Variants in VPS53 observed in about 807,000 individuals in gnomAD.
VPS53 encodes VPS53 subunit of GARP complex.
Under a neutral mutation model 107.0 loss-of-function variants are expected in VPS53, and 70 were observed. That is an observed-to-expected ratio of 0.65 (90% CI 0.54 to 0.80). VPS53 has a LOEUF of 0.80. Among genes scored for constraint, VPS53 ranks in the 30% least tolerant of loss-of-function variants. The pLI, the probability that VPS53 is intolerant of heterozygous loss-of-function variation, is 0.00. For missense variants in VPS53, 917 were observed against 1,049.4 expected, an observed-to-expected ratio of 0.87 and a Z score of 1.74; for synonymous variants, 409 against 393.3, an observed-to-expected ratio of 1.04 and a Z score of -0.47.
chr17:565,903 A>T (rs867561159), intron 13 of VPS53, among the ~76,000 whole-genome samples: 2 of 152,328 alleles, frequency 1.3e-5, no homozygotes, highest in Non-Finnish European at 1.5e-5. Context: ...CGAGGATGCC[A>T]TATATTCAAG....
rs151236855 is a variant in VPS53 at position 627,839 on chromosome 17, C to T, written c.831+249G>A. 2.4e-4 allele frequency among the ~76,000 whole-genome samples: 36 copies of T among 152,240 alleles called. No individual in the cohort carries two copies. The East Asian group carries it at 6.6e-3, about 28-fold the overall frequency. ...TAACCTGGGGTCCATGATTGGCCTT[C>T]AGGGGTCTATACATTTCCAGAAACT... On this transcript the variant is annotated intron_variant, in intron 9 of 21. Coordinates refer to ENST00000437048, the MANE Select transcript of VPS53 (RefSeq NM_001128159.3).
At chr17:697,870 A>C (rs1448716528) in intron 3 of VPS53, among the ~76,000 whole-genome samples, 1 of 152,196 alleles carries the variant, frequency 6.6e-6, no homozygotes. Flanking sequence ...TCCCCTTATG[A>C]GGCGGAAAGA....
chr17:621,167 T>C (rs1454942523), intron 11 of VPS53, among the ~76,000 whole-genome samples: 1 of 152,182 alleles, frequency 6.6e-6, no homozygotes, highest in Non-Finnish European at 1.5e-5. Flanking sequence ...CTTATACATT[T>C]ACACACATAA....
intron 4 of VPS53, among the ~76,000 whole-genome samples, chr17:672,152 A>ACAC (rs1555578480): frequency 8.4e-6 from 1 of 118,780 alleles, no homozygotes; most frequent in Non-Finnish European, 1.8e-5. Context: ...ACACACACAC[A>ACAC]ATCTCTCTCT....
At chr17:697,388 A>G (rs765299549) in intron 4 of VPS53, 30 bp downstream of exon 4, 8 of 1,592,590 alleles carry the variant, frequency 5.0e-6, no homozygotes, top group Admixed American at 1.7e-5. Flanking sequence ...CCAGGGGAGC[A>G]TAGGTAATAT....
At chr17:680,243 A>G (rs528423771) in intron 4 of VPS53, among the ~76,000 whole-genome samples, 1 of 152,258 alleles carries the variant, frequency 6.6e-6, no homozygotes, top group African/African-American at 2.4e-5. Context: ...GCAGTGAGTC[A>G]AGATCGCACT....
intron 4 of VPS53, among the ~76,000 whole-genome samples, chr17:666,231 T>C (rs1014903468): frequency 1.3e-5 from 2 of 151,462 alleles, no homozygotes; most frequent in African/African-American, 4.9e-5. Context: ...TATTCAGAAG[T>C]CTAAAATAAA....
chr17:557,230 C>T (rs966847698), intron 15 of VPS53, among the ~76,000 whole-genome samples: 7 of 152,144 alleles, frequency 4.6e-5, no homozygotes, highest in African/African-American at 1.7e-4. Context: ...CCTTGATGTT[C>T]CTTGGCTCAT....
chr17:654,610 G>A (rs925522260), intron 6 of VPS53, among the ~76,000 whole-genome samples: 3 of 151,148 alleles, frequency 2.0e-5, no homozygotes, highest in Non-Finnish European at 3.0e-5. Flanking sequence ...AGTGGCGGGC[G>A]CCTGTAGTCC....
Position 553,425 on chromosome 17 carries a change from A to C in VPS53, c.1742T>G (p.Leu581Arg). Residue 581 changes from leucine to arginine, a missense_variant, in exon 16 of 22, where the codon CTG becomes CGG. Coordinates refer to ENST00000437048, the MANE Select transcript of VPS53 (RefSeq NM_001128159.3). ...EKLKEKVDVS[L>R]IERINLTGEM... ...TCCAGTCAGATTGATTCGTTCAATC[A>C]GACTTACATCCACTTTTTCTTTGAG... 1 of 1,614,146 alleles carries C rather than the reference A, an allele frequency of 6.2e-7. No homozygotes were observed. Among genetic ancestry groups the C allele is most frequent in the Non-Finnish European group, 8.5e-7 (1 of 1,180,036 alleles).
intron 13 of VPS53, among the ~76,000 whole-genome samples, chr17:581,229 G>C (rs1336417557): frequency 6.7e-6 from 1 of 150,154 alleles, no homozygotes; most frequent in East Asian, 2.0e-4. Context: ...GACCTGATGC[G>C]TTCCCAGAGA....
At chr17:571,346 T>C (rs995260333) in intron 13 of VPS53, among the ~76,000 whole-genome samples, 1 of 152,104 alleles carries the variant, frequency 6.6e-6, no homozygotes, top group Non-Finnish European at 1.5e-5. Flanking sequence ...TGTCTGTGCA[T>C]TACGTGTGTG....
At chr17:612,031 C>T (rs1420768382) in intron 11 of VPS53, among the ~76,000 whole-genome samples, 1 of 150,224 alleles carries the variant, frequency 6.7e-6, no homozygotes, top group Non-Finnish European at 1.5e-5. Context: ...AAAACCTGTA[C>T]AAATATTCAC....
intron 12 of VPS53, among the ~76,000 whole-genome samples, chr17:596,333 C>A (rs1199226509): frequency 6.6e-6 from 1 of 152,168 alleles, no homozygotes; most frequent in African/African-American, 2.4e-5. Context: ...AAGAAAATGG[C>A]TACATAATTC....
intron 2 of VPS53, among the ~76,000 whole-genome samples, chr17:702,468 C>T (rs1426749638): frequency 6.6e-6 from 1 of 152,024 alleles, no homozygotes; most frequent in Non-Finnish European, 1.5e-5. Flanking sequence ...TCGAGACCAG[C>T]CAGGCCAATA....
chr17:613,533 TCA>T (rs759665885), intron 11 of VPS53, among the ~76,000 whole-genome samples: 30 of 147,550 alleles, frequency 2.0e-4, no homozygotes, highest in Admixed American at 6.8e-4. Context: ...CATAGTGAGT[TCA>T]CACAGTGAAA....
In VPS53 at chr17:514,219, G is replaced by A. The variant is rs995602050; in HGVS notation, c.*4909C>T. ...GGTTATTCCGAGTGCTCTTCCTAGC[G>A]AAGGAACCCCATTTCCAGCAGGTTA... On this transcript the variant is annotated 3_prime_UTR_variant, in exon 22 of 22. Transcript: ENST00000437048. 2 of 72,256 alleles carry A rather than the reference G, an allele frequency of 2.8e-5. No individual in the cohort carries two copies. The highest frequency in any genetic ancestry group is 1.6e-4 in the African/African-American group (1 of 6,298). 4.5% of individuals were successfully genotyped at this position (72,256 alleles called of 1,614,324 possible). A position where few individuals can be genotyped will look rare whatever the true frequency, so the allele number is the denominator to read the frequency against.
chr17:581,836 A>G (rs1227393216), intron 13 of VPS53, among the ~76,000 whole-genome samples: 1 of 148,828 alleles, frequency 6.7e-6, no homozygotes, highest in African/African-American at 2.5e-5. Flanking sequence ...TAGGACCTCA[A>G]TGCGTTCCCA....
intron 7 of VPS53, among the ~76,000 whole-genome samples, chr17:648,166 C>T (rs1393252576): frequency 3.3e-5 from 5 of 152,226 alleles, no homozygotes; most frequent in Non-Finnish European, 4.4e-5. Flanking sequence ...GTCTGTGATA[C>T]ACTTAGCCAA....
Sources: gnomAD v4.1 joint callset for allele counts (sites outside exome capture counted in the v4.1 genomes callset) on GRCh38, gnomAD v4.1.1 for gene constraint, MANE v1.5 for transcripts, NCBI Gene and HGNC (gene_info 2026-07-23, HGNC 2026-07-21) for gene names.